Variants in ROBO2 observed in about 807,000 individuals in gnomAD.
ROBO2 encodes the protein roundabout homolog 2.
Under a neutral mutation model 160.8 loss-of-function variants are expected in ROBO2, and 53 were observed. The ratio of observed to expected loss-of-function variants is 0.33; its 90% CI spans 0.26 to 0.41. The LOEUF is 0.41. Ranked by LOEUF, ROBO2 falls within the 10% of genes least tolerant of loss-of-function variation. The pLI is 1.00. For synonymous variants in ROBO2, 664 were observed against 611.7 expected (o/e 1.09, Z -1.26); for missense variants, 1,577 against 1,722.4 (o/e 0.92, Z 1.49).
At chr3:77,609,822 G>T (rs1002065778) in intron 21 of ROBO2, among the ~76,000 whole-genome samples, 161 of 146,800 alleles carry the variant, frequency 1.1e-3, no homozygotes, top group African/African-American at 3.8e-3. Flanking sequence ...TTATATGTAT[G>T]TATGTAGTTT....
chr3:76,216,612 C>A (rs1206025338), intron 2 of ROBO2, among the ~76,000 whole-genome samples: 23 of 152,046 alleles, frequency 1.5e-4, no homozygotes, highest in South Asian at 6.2e-4. Flanking sequence ...AGAGCTAACT[C>A]TCCTAAATAT....
chr3:77,493,532 G>C (rs2086402771), intron 5 of ROBO2, 150 bp downstream of exon 5: 1 of 835,276 alleles, frequency 1.2e-6, no homozygotes. Flanking sequence ...CATATTTACT[G>C]TTTGTATGTT....
At chr3:77,632,388 A>T in intron 23 of ROBO2, 1 of 938,662 alleles carries the variant, frequency 1.1e-6, no homozygotes, top group Non-Finnish European at 1.5e-6. Flanking sequence ...AAGCATGGAC[A>T]ACTTACTTGC....
At chr3:77,363,093 A>G (rs1264070326) in intron 2 of ROBO2, among the ~76,000 whole-genome samples, 1 of 152,142 alleles carries the variant, frequency 6.6e-6, no homozygotes, top group Non-Finnish European at 1.5e-5. Flanking sequence ...GAACAAAAGA[A>G]TTGAAAGTAT....
chr3:76,844,453 T>G (rs1221919733), intron 2 of ROBO2, among the ~76,000 whole-genome samples: 1 of 151,966 alleles, frequency 6.6e-6, no homozygotes, highest in Non-Finnish European at 1.5e-5. Flanking sequence ...GCTGTAGGTT[T>G]CAGATCATGG....
intron 2 of ROBO2, among the ~76,000 whole-genome samples, chr3:76,823,677 A>C (rs2066316191): frequency 6.6e-6 from 1 of 152,206 alleles, no homozygotes; most frequent in African/African-American, 2.4e-5. Context: ...AAAACATCCC[A>C]GGCAAAGAGA....
intron 2 of ROBO2, among the ~76,000 whole-genome samples, chr3:76,554,288 A>G (rs1578107777): frequency 6.6e-6 from 1 of 152,318 alleles, no homozygotes; most frequent in East Asian, 1.9e-4. Flanking sequence ...CACATATCAC[A>G]GCAAATGTCA....
chr3:76,213,357 A>G lies in ROBO2; in HGVS notation c.109+275755A>G, dbSNP rs537355520. ...AAACTAGTCTTTTAAAGAAGTGTTAAGATAAACAAAAAAGAAGAGTATGGG... is the reference window on the plus strand; with the variant it reads ...AAACTAGTCTTTTAAAGAAGTGTTAGGATAAACAAAAAAGAAGAGTATGGG... On this transcript the variant is annotated intron_variant, in intron 2 of 26. Transcript: ENST00000487694. Among the ~76,000 whole-genome samples, 5 of 152,302 alleles carry G rather than the reference A, an allele frequency of 3.3e-5. No individual in the cohort carries two copies. In the South Asian group the frequency reaches 8.3e-4, roughly 25 times the overall value.
chr3:76,596,957 C>A (rs1318189421), intron 2 of ROBO2, among the ~76,000 whole-genome samples: 1 of 152,084 alleles, frequency 6.6e-6, no homozygotes. Flanking sequence ...GTGATGTTAT[C>A]TATGCTGTCA....
intron 2 of ROBO2, among the ~76,000 whole-genome samples, chr3:76,283,689 C>T (rs534943241): frequency 3.2e-4 from 48 of 152,052 alleles, no homozygotes; most frequent in African/African-American, 1.2e-3. Flanking sequence ...TTCACTTTTT[C>T]GTCAAGAAAT....
chr3:76,224,771 C>G (rs1704182776), intron 2 of ROBO2, among the ~76,000 whole-genome samples: 1 of 152,168 alleles, frequency 6.6e-6, no homozygotes, highest in Non-Finnish European at 1.5e-5. Context: ...ACTTCCCTTT[C>G]CTTATTCCAG....
At chr3:77,561,453 A>G (rs547073866) in intron 9 of ROBO2, among the ~76,000 whole-genome samples, 2 of 152,226 alleles carry the variant, frequency 1.3e-5, no homozygotes, top group East Asian at 3.9e-4. Flanking sequence ...AGAATTTTGG[A>G]GTTGCCTCTT....
chr3:76,067,544 G>C (rs1457872049), intron 2 of ROBO2, among the ~76,000 whole-genome samples: 3 of 151,866 alleles, frequency 2.0e-5, no homozygotes, highest in Admixed American at 1.3e-4. Flanking sequence ...AATATATCAG[G>C]CTCCATACAA....
chr3:77,577,677 C>A lies in ROBO2; in HGVS notation c.2328+63C>A. 2.5e-6 allele frequency: 4 copies of A among 1,574,866 alleles called. No homozygotes were observed. The South Asian group carries it at 3.3e-5, about 13-fold the overall frequency. On this transcript the variant is annotated intron_variant, in intron 15 of 25. Transcript: ENST00000461745. The stretch of plus-strand genomic sequence containing the variant: ...GGTTCCCAGAGAAATCTCAGTGTCT[C>A]ACGAATGAGACACATCTCTAAAGGT...
intron 2 of ROBO2, among the ~76,000 whole-genome samples, chr3:77,290,151 T>C (rs1456260574): frequency 1.3e-5 from 2 of 150,892 alleles, no homozygotes; most frequent in Non-Finnish European, 3.0e-5. Flanking sequence ...GTTAAACGGG[T>C]AAGCTGAGGC....
chr3:76,479,321 G>A (rs2079093202), intron 2 of ROBO2, among the ~76,000 whole-genome samples: 1 of 152,180 alleles, frequency 6.6e-6, no homozygotes, highest in African/African-American at 2.4e-5. Flanking sequence ...TTTTAAAATG[G>A]CTGTGCTTTT....
intron 6 of ROBO2, among the ~76,000 whole-genome samples, chr3:77,539,369 A>G (rs1165812746): frequency 1.3e-5 from 2 of 152,182 alleles, no homozygotes; most frequent in Non-Finnish European, 2.9e-5. Context: ...AAAAGGGCGT[A>G]TCAGAATCGG....
intron 2 of ROBO2, among the ~76,000 whole-genome samples, chr3:76,192,476 AGAAAT>A (rs1401107186): frequency 3.3e-5 from 5 of 151,544 alleles, no homozygotes; most frequent in African/African-American, 9.7e-5. Context: ...AATTCACAGA[AGAAAT>A]GAAATCTTCA....
At chr3:77,196,325 C>CTTTTTTT (rs57448784) in intron 2 of ROBO2, among the ~76,000 whole-genome samples, 1 of 141,730 alleles carries the variant, frequency 7.1e-6, no homozygotes, top group African/African-American at 2.6e-5. Context: ...AAATACCCTG[C>CTTTTTTT]TTTTTTTTTT....
Sources: gnomAD v4.1 joint callset for allele counts (sites outside exome capture counted in the v4.1 genomes callset) on GRCh38, gnomAD v4.1.1 for gene constraint, MANE v1.5 for transcripts, NCBI Gene and HGNC (gene_info 2026-07-23, HGNC 2026-07-21) for gene names.